DGKB: variants seen among roughly 807,000 people sequenced by gnomAD.
The protein encoded by DGKB is 90 kDa diacylglycerol kinase.
A neutral mutation model predicts 114.3 loss-of-function variants in DGKB; 67 were observed. That is an observed-to-expected ratio of 0.59 (90% CI 0.48 to 0.72). The LOEUF (loss-of-function observed/expected upper bound fraction) is 0.72, where lower values mean the gene tolerates loss of function less well. Among genes scored for constraint, DGKB ranks in the 30% least tolerant of loss-of-function variants. The pLI, the probability that DGKB is intolerant of heterozygous loss-of-function variation, is 0.00. For synonymous variants in DGKB, 398 were observed against 323.1 expected (o/e 1.23, Z -2.49); for missense variants, 907 against 975.2 (o/e 0.93, Z 0.93).
chr7:14,598,997 C>T (rs765852844), intron 17 of DGKB, among the ~76,000 whole-genome samples: 30 of 152,142 alleles, frequency 2.0e-4, no homozygotes, highest in Non-Finnish European at 3.8e-4. Context: ...CAAAAGTTGT[C>T]ACTTGTTTTT....
At chr7:14,418,125 T>TA (rs200522767) in intron 21 of DGKB, among the ~76,000 whole-genome samples, 36,037 of 145,144 alleles carry the variant, frequency 0.25, 4,973 homozygotes, top group East Asian at 0.48. Context: ...TTAGAGTTTT[T>TA]AAAAATATAT....
intron 20 of DGKB, among the ~76,000 whole-genome samples, chr7:14,571,437 C>G (rs575215588): frequency 6.6e-6 from 1 of 152,296 alleles, no homozygotes; most frequent in East Asian, 1.9e-4. Context: ...AGTGTCATAG[C>G]TAGCCTGAGT....
chr7:14,397,551 G>C (rs951845054), intron 21 of DGKB, among the ~76,000 whole-genome samples: 3 of 152,000 alleles, frequency 2.0e-5, no homozygotes, highest in Admixed American at 6.6e-5. Flanking sequence ...AAGTTGCTTT[G>C]TTCATTGCGT....
At chr7:14,576,132 C>G (rs6948376) in intron 19 of DGKB, among the ~76,000 whole-genome samples, 97,828 of 151,894 alleles carry the variant, frequency 0.64, 32,177 homozygotes, top group East Asian at 0.93. Context: ...GAGATTGGGT[C>G]TATTCAGGGT....
At chr7:14,511,301 A>G (rs1787943376) in intron 20 of DGKB, among the ~76,000 whole-genome samples, 1 of 152,220 alleles carries the variant, frequency 6.6e-6, no homozygotes, top group Non-Finnish European at 1.5e-5. Flanking sequence ...TCTTCTGGAT[A>G]ACTTGCTGCA....
chr7:14,806,752 A>T (rs1430678201), intron 2 of DGKB, among the ~76,000 whole-genome samples: 1 of 151,928 alleles, frequency 6.6e-6, no homozygotes, highest in East Asian at 1.9e-4. Flanking sequence ...CCTTTTCCTG[A>T]TAACATATAA....
At chr7:14,669,135 A>G (rs921507494) in intron 13 of DGKB, among the ~76,000 whole-genome samples, 3 of 152,070 alleles carry the variant, frequency 2.0e-5, no homozygotes, top group African/African-American at 7.2e-5. Flanking sequence ...CCAGGTTTCT[A>G]TTTCTTTGAG....
At chr7:14,640,958 TCTCTA>T (rs781497274) in intron 13 of DGKB, among the ~76,000 whole-genome samples, 34 of 152,186 alleles carry the variant, frequency 2.2e-4, no homozygotes, top group Non-Finnish European at 4.6e-4. Flanking sequence ...AAAGCATTTG[TCTCTA>T]CTCTAATGCT....
At chr7:14,526,612 T>G (rs1790686269) in intron 20 of DGKB, among the ~76,000 whole-genome samples, 1 of 152,146 alleles carries the variant, frequency 6.6e-6, no homozygotes, top group Non-Finnish European at 1.5e-5. Context: ...AAATAATATG[T>G]GGTTAATGTA....
intron 23 of DGKB, among the ~76,000 whole-genome samples, chr7:14,245,309 T>A (rs1794312135): frequency 6.6e-6 from 1 of 152,214 alleles, no homozygotes; most frequent in Admixed American, 6.5e-5. Flanking sequence ...TTAACAGTGA[T>A]ATCAGGTAAG....
At chr7:14,201,554 T>A (rs989880057) in intron 23 of DGKB, among the ~76,000 whole-genome samples, 1 of 151,970 alleles carries the variant, frequency 6.6e-6, no homozygotes, top group South Asian at 2.1e-4. Flanking sequence ...TCGGAAGGCA[T>A]TGCAGTGGCC....
intron 2 of DGKB, among the ~76,000 whole-genome samples, chr7:14,766,193 C>G (rs547050485): frequency 6.6e-6 from 1 of 151,902 alleles, no homozygotes; most frequent in East Asian, 1.9e-4. Flanking sequence ...ACTGTTCCAA[C>G]TATTGGAATA....
chr7:14,281,618 T>C (rs1318695177), intron 23 of DGKB, among the ~76,000 whole-genome samples: 1 of 147,174 alleles, frequency 6.8e-6, no homozygotes, highest in Non-Finnish European at 1.5e-5. Flanking sequence ...GAAGTAAAGC[T>C]CTCCTCAGCT....
upstream of DGKB, among the ~76,000 whole-genome samples, chr7:14,905,386 T>C (rs1422381162): frequency 6.6e-6 from 1 of 152,048 alleles, no homozygotes; most frequent in Admixed American, 6.6e-5. Context: ...TATTCCTGAC[T>C]CATAACTCAA....
intron 2 of DGKB, among the ~76,000 whole-genome samples, chr7:14,790,412 A>C (rs1039793190): frequency 5.3e-5 from 8 of 151,772 alleles, no homozygotes; most frequent in Non-Finnish European, 8.8e-5. Flanking sequence ...TTTTTCACCC[A>C]AAAACTGTTC....
intron 23 of DGKB, among the ~76,000 whole-genome samples, chr7:14,246,851 C>T (rs1273511861): frequency 6.6e-6 from 1 of 152,030 alleles, no homozygotes; most frequent in Admixed American, 6.6e-5. Context: ...TTGAAGTTTA[C>T]AAAACACTAT....
At chr7:14,810,537 C>T (rs147574023) in intron 2 of DGKB, among the ~76,000 whole-genome samples, 7 of 152,266 alleles carry the variant, frequency 4.6e-5, no homozygotes, top group Non-Finnish European at 1.0e-4. Flanking sequence ...CATATATTAA[C>T]AGTTCAAAAT....
At chr7:14,915,241 A>T (rs1426962846) in intron 1 of DGKB, among the ~76,000 whole-genome samples, 4 of 152,058 alleles carry the variant, frequency 2.6e-5, no homozygotes, top group Non-Finnish European at 5.9e-5. Context: ...AGGCTTGGTG[A>T]CACATGTCTC....
chr7:14,815,805 T>A (rs539761548), intron 2 of DGKB, among the ~76,000 whole-genome samples: 8 of 152,180 alleles, frequency 5.3e-5, no homozygotes, highest in Non-Finnish European at 1.2e-4. Flanking sequence ...GGTCACAGAC[T>A]GTGTACAATC....
Sources: gnomAD v4.1 joint callset for allele counts (sites outside exome capture counted in the v4.1 genomes callset) on GRCh38, gnomAD v4.1.1 for gene constraint, MANE v1.5 for transcripts, NCBI Gene and HGNC (gene_info 2026-07-23, HGNC 2026-07-21) for gene names.